The following MPV17L variants were observed in gnomAD, a reference collection of about 807,000 sequenced individuals.
The protein encoded by MPV17L is MPV17 mitochondrial inner membrane protein like, also known as mpv17-like protein.
Under a neutral mutation model 25.8 loss-of-function variants are expected in MPV17L, and 24 were observed. That is an observed-to-expected ratio of 0.93 (90% CI 0.67 to 1.31). The LOEUF is 1.31. Ranked by LOEUF, MPV17L falls within the 50% of genes most tolerant of loss-of-function variation. The probability of loss-of-function intolerance (pLI) is 0.00; values close to 1 mark genes in which losing one functional copy is unlikely to be tolerated. For synonymous variants in MPV17L, 102 were observed against 115.3 expected, an observed-to-expected ratio of 0.88 and a Z score of 0.74; for missense variants, 250 against 265.6, an observed-to-expected ratio of 0.94 and a Z score of 0.41.
At chr16:15,402,355 C>G (rs973275416) in intron 2 of MPV17L, among the ~76,000 whole-genome samples, 1 of 152,140 alleles carries the variant, frequency 6.6e-6, no homozygotes, top group South Asian at 2.1e-4. Flanking sequence ...ACAGAATGTT[C>G]GCAGACTGGC....
intron 2 of MPV17L, among the ~76,000 whole-genome samples, chr16:15,407,420 A>G (rs571382180): frequency 6.6e-6 from 1 of 152,236 alleles, no homozygotes; most frequent in East Asian, 1.9e-4. Context: ...CTTTTATGGA[A>G]TGAACTGTGC....
Position 15,410,190 on chromosome 16 carries a change from G to C in MPV17L, c.*2078G>C, listed in dbSNP as rs1441695618. ...GTTTCACTTGGACGTAGTGGTTCAC[G>C]CTTGTAATCCCAGCACTTTGGGAGG... On this transcript the variant is annotated 3_prime_UTR_variant, in exon 4 of 4. Transcript: ENST00000396385. 1.3e-5 allele frequency: 2 copies of C among 152,142 alleles called. No homozygotes were observed. The highest frequency in any genetic ancestry group is 2.9e-5 in the Non-Finnish European group (2 of 68,044). 9.4% of individuals were successfully genotyped at this position (152,142 alleles called of 1,614,324 possible).
At chr16:15,403,549 CTG>C (rs773872182) in intron 2 of MPV17L, among the ~76,000 whole-genome samples, 3 of 151,558 alleles carry the variant, frequency 2.0e-5, no homozygotes, top group Non-Finnish European at 2.9e-5. Context: ...TTGCAAGTGT[CTG>C]TGGTCCCAGC....
In MPV17L at chr16:15,395,917, C is replaced by A. The variant is rs1319019900; in HGVS notation, c.20C>A (p.Ala7Glu). 1 of 1,425,472 alleles carries A rather than the reference C, an allele frequency of 7.0e-7. No homozygotes were observed. The highest frequency in any genetic ancestry group is 9.1e-7 in the Non-Finnish European group (1 of 1,100,998). The allele number at this position is 1,425,472 out of a possible 1,614,324, so 88.3% of individuals were successfully genotyped here. A position where few individuals can be genotyped will look rare whatever the true frequency, so the allele number is the denominator to read the frequency against. The change falls in exon 1 of 4, where the codon GCG becomes GAG. Residue 7 changes from alanine to glutamate, a missense_variant. Coordinates refer to ENST00000396385, the MANE Select transcript of MPV17L (RefSeq NM_001128423.2). MAGWWP[A>E]LSRAARRHPW... ...GCGGACATGGCGGGCTGGTGGCCGG[C>A]GTTGTCGCGCGCGGCCCGGCGCCAC...
Position 15,396,203 on chromosome 16 carries a change from T to C in MPV17L, c.306T>C (p.Tyr102=). ...VGAPIAVSAF[Y]VGMSILQGKD... is the part of the protein sequence containing the mutation. ...CGCCCATCGCGGTCTCGGCCTTCTA[T>C]GTCGGTGAGGGGCCGGGAGGGGACC... Residue 102 remains tyrosine (Y), a synonymous_variant, in exon 1 of 4, where the codon TAT becomes TAC. Transcript: ENST00000396385. 6.5e-7 allele frequency: 1 copy of C among 1,546,286 alleles called. No homozygotes were observed. The highest frequency in any genetic ancestry group is 8.7e-7 in the Non-Finnish European group (1 of 1,145,910).
At chr16:15,403,550 T>C (rs2050657091) in intron 2 of MPV17L, among the ~76,000 whole-genome samples, 1 of 151,712 alleles carries the variant, frequency 6.6e-6, no homozygotes, top group South Asian at 2.1e-4. Context: ...TGCAAGTGTC[T>C]GTGGTCCCAG....
chr16:15,400,085 G>T (rs982580053), intron 1 of MPV17L, among the ~76,000 whole-genome samples: 1 of 152,156 alleles, frequency 6.6e-6, no homozygotes, highest in Non-Finnish European at 1.5e-5. Context: ...TTACAGGCAT[G>T]AGCCACGCGC....
At chr16:15,402,565 T>G (rs200379607) in intron 2 of MPV17L, among the ~76,000 whole-genome samples, 4 of 151,784 alleles carry the variant, frequency 2.6e-5, no homozygotes, top group African/African-American at 7.3e-5. Flanking sequence ...ACAGTAACTA[T>G]AAGTGTGTTC....
Position 15,412,981 on chromosome 16 carries a change from T to C in MPV17L, c.*4869T>C, listed in dbSNP as rs1162840368. 1 of 152,192 alleles carries C rather than the reference T, an allele frequency of 6.6e-6. No homozygotes were observed. The highest frequency in any genetic ancestry group is 1.5e-5 in the Non-Finnish European group (1 of 68,038). The allele number at this position is 152,192 out of a possible 1,614,324, so 9.4% of individuals were successfully genotyped here. A position where few individuals can be genotyped will look rare whatever the true frequency, so the allele number is the denominator to read the frequency against. The stretch of plus-strand genomic sequence containing the variant: ...GTCATCCTTTAAAATTCATTTGAAG[T>C]TATGAAAAGATAGTTTTTGTTACAT... On this transcript the variant is annotated 3_prime_UTR_variant, in exon 4 of 4. Transcript: ENST00000396385.
At chr16:15,397,270 G>A (rs153004) in intron 1 of MPV17L, among the ~76,000 whole-genome samples, 45,665 of 151,924 alleles carry the variant, frequency 0.3, 8,231 homozygotes, top group East Asian at 0.59. Flanking sequence ...GGTTATAGTC[G>A]TGAAGCTATA....
chr16:15,396,343 C>A, intron 1 of MPV17L, 136 bp downstream of exon 1: 1 of 1,177,734 alleles, frequency 8.5e-7, no homozygotes, highest in African/African-American at 1.6e-5. Flanking sequence ...GCTCTGAGAC[C>A]GGAGCTGCTT....
At chr16:15,407,088 T>TA (rs1159636612) in intron 2 of MPV17L, among the ~76,000 whole-genome samples, 4 of 150,788 alleles carry the variant, frequency 2.7e-5, no homozygotes, top group African/African-American at 9.7e-5. Flanking sequence ...AAAATTAATT[T>TA]AAAAAAAAAG....
chr16:15,398,691 C>T (rs968399153), intron 1 of MPV17L, among the ~76,000 whole-genome samples: 4 of 150,942 alleles, frequency 2.7e-5, no homozygotes, highest in Admixed American at 6.7e-5. Context: ...CAGGTTCAAG[C>T]GATTCTCCTG....
At position 15,408,134 on chromosome 16, in the gene MPV17L, G is replaced by C. The variant is rs1198825048; in HGVS notation, c.*22G>C. 1 of 1,542,406 alleles carries C rather than the reference G, an allele frequency of 6.5e-7. No individual in the cohort carries two copies. Among genetic ancestry groups the C allele is most frequent in the South Asian group, 1.2e-5 (1 of 83,686 alleles). On this transcript the variant is annotated 3_prime_UTR_variant, in exon 4 of 4. Transcript: ENST00000396385. ...ATGAGAAGTCAAGGACTCTCTTAAA[G>C]GGACCACATTTTTTACCTAAAATGC...
chr16:15,410,517 C>G lies in MPV17L; in HGVS notation c.*2405C>G, dbSNP rs922769914. The G allele has an allele frequency of 3.9e-5, 6 of 152,068 alleles. No homozygotes were observed. Among genetic ancestry groups the G allele is most frequent in the Admixed American group, 3.3e-4 (5 of 15,244 alleles). The allele number at this position is 152,068 out of a possible 1,614,324, so 9.4% of individuals were successfully genotyped here. A position where few individuals can be genotyped will look rare whatever the true frequency, so the allele number is the denominator to read the frequency against. On this transcript the variant is annotated 3_prime_UTR_variant, in exon 4 of 4. Transcript: ENST00000396385. ...AGTGAGCTGAGATTGTGCCACTGCA[C>G]TCCAGCCTGGGTGACAGAGTGAGAC...
chr16:15,400,346 C>CT (rs908354383), intron 1 of MPV17L, among the ~76,000 whole-genome samples: 3,248 of 125,124 alleles, frequency 0.026, 111 homozygotes, highest in African/African-American at 0.07. Flanking sequence ...ATTATGTTTT[C>CT]TTTTTTTTTT....
intron 1 of MPV17L, among the ~76,000 whole-genome samples, chr16:15,397,750 T>C (rs187354280): frequency 2.0e-5 from 3 of 152,174 alleles, no homozygotes; most frequent in Admixed American, 6.5e-5. Context: ...TTTTAAGAGT[T>C]GGATTCACTT....
intron 2 of MPV17L, among the ~76,000 whole-genome samples, chr16:15,406,169 C>T (rs1306930885): frequency 6.6e-6 from 1 of 151,688 alleles, no homozygotes; most frequent in African/African-American, 2.4e-5. Flanking sequence ...GCCTGGGCAA[C>T]AAGAGCAAAA....
chr16:15,401,069 TATATATATATATATA>T lies in MPV17L; in HGVS notation c.381+213_381+227del, dbSNP rs1183025777. 2.0e-4 allele frequency among the ~76,000 whole-genome samples: 6 copies of T among 29,522 alleles called. No individual in the cohort carries two copies. In the Admixed American group the frequency reaches 2.6e-3, roughly 13 times the overall value. 19.4% of individuals were successfully genotyped at this position (29,522 alleles called of 152,430 possible). ...TTGTATGTGTGTGTGTATATATATA[TATATATATATATATA>T]TATTTTTTTTTTTTTTTTTTTTTTT... On this transcript the variant is annotated intron_variant, in intron 2 of 3. Transcript: ENST00000396385.
Sources: allele counts gnomAD v4.1 joint callset (sites outside exome capture counted in the v4.1 genomes callset), GRCh38; gene constraint gnomAD v4.1.1; transcripts MANE v1.5; gene names NCBI Gene and HGNC (gene_info 2026-07-23, HGNC 2026-07-21).